Variants in KCNG2 observed in about 807,000 individuals in gnomAD.
The protein encoded by KCNG2 is voltage-gated potassium channel regulatory subunit KCNG2.
Under a neutral mutation model 12.3 loss-of-function variants are expected in KCNG2, and 7 were observed. The observed-to-expected ratio is 0.57, with a 90% CI of 0.32 to 1.07. The LOEUF is 1.07. KCNG2 is among the 50% of genes least tolerant of loss of function. KCNG2 has a pLI of 0.04. For missense variants in KCNG2, 703 were observed against 726.0 expected (o/e 0.97, Z 0.36); for synonymous variants, 414 against 351.4 (o/e 1.18, Z -1.99).
intron 3 of KCNG2, chr18:79,875,807 G>A (rs1170432783): frequency 6.6e-6 from 1 of 152,396 alleles, no homozygotes; most frequent in African/African-American, 2.4e-5. Flanking sequence ...ACCTTGAAGG[G>A]GGAGGCGGTT....
At chr18:79,868,405 C>T (rs945483613) in intron 3 of KCNG2, among the ~76,000 whole-genome samples, 28 of 151,996 alleles carry the variant, frequency 1.8e-4, no homozygotes, top group Admixed American at 1.4e-3. Context: ...TCCAAGCGTC[C>T]GGTTAAGAAG....
chr18:79,806,088 T>C (rs1042074879), intron 1 of KCNG2, among the ~76,000 whole-genome samples: 4 of 152,180 alleles, frequency 2.6e-5, no homozygotes, highest in African/African-American at 9.7e-5. Context: ...GTCTGTCCTC[T>C]CCCTGCCAGG....
intron 2 of KCNG2, among the ~76,000 whole-genome samples, chr18:79,860,085 G>A (rs567935196): frequency 2.6e-5 from 4 of 152,204 alleles, no homozygotes; most frequent in Admixed American, 1.3e-4. Context: ...GAGCAGGCAC[G>A]TTACATGGTG....
chr18:79,835,372 C>T (rs920367369), intron 1 of KCNG2, among the ~76,000 whole-genome samples: 1 of 152,110 alleles, frequency 6.6e-6, no homozygotes, highest in Non-Finnish European at 1.5e-5. Context: ...ATAGTAATGT[C>T]GAAATTATTG....
At position 79,800,328 on chromosome 18, in the gene KCNG2, G is replaced by C. The variant is rs2087398563; in HGVS notation, c.-115+2314G>C. 6.6e-6 allele frequency among the ~76,000 whole-genome samples: 1 copy of C among 152,132 alleles called. No homozygotes were observed. The highest frequency in any genetic ancestry group is 2.1e-4 in the South Asian group (1 of 4,816). ...TTTGTAATGAATGGGGATATCTTAG[G>C]GCTAACGCTTGGTCAGGGATGTTCT... On this transcript the variant is annotated intron_variant, in intron 1 of 3. Coordinates refer to ENST00000316249, the MANE Select transcript of KCNG2 (RefSeq NM_012283.2). The surrounding 1 kb of genome is among the most constrained non-coding windows in gnomAD (Gnocchi z 4.0).
intron 3 of KCNG2, among the ~76,000 whole-genome samples, chr18:79,868,453 G>C (rs563436884): frequency 6.6e-6 from 1 of 152,202 alleles, no homozygotes; most frequent in African/African-American, 2.4e-5. Context: ...ACCCGTGTCC[G>C]AGCGTTGCAG....
At chr18:79,810,908 A>C (rs1392824352) in intron 1 of KCNG2, among the ~76,000 whole-genome samples, 1 of 152,270 alleles carries the variant, frequency 6.6e-6, no homozygotes, top group Non-Finnish European at 1.5e-5. Flanking sequence ...AGAGTCAAAC[A>C]ATACTCAAAA....
At chr18:79,867,118 T>A (rs1352689823) in intron 3 of KCNG2, among the ~76,000 whole-genome samples, 4 of 148,100 alleles carry the variant, frequency 2.7e-5, no homozygotes, top group Non-Finnish European at 6.0e-5. Context: ...TGCTGAGAGG[T>A]CTGTGTGCTG....
chr18:79,859,915 G>T (rs1010036696), intron 2 of KCNG2, among the ~76,000 whole-genome samples: 1 of 151,968 alleles, frequency 6.6e-6, no homozygotes, highest in Non-Finnish European at 1.5e-5. Flanking sequence ...GTCCATGTTC[G>T]CATTCCTATA....
intron 1 of KCNG2, among the ~76,000 whole-genome samples, chr18:79,815,630 C>T (rs1010575978): frequency 5.3e-5 from 8 of 152,156 alleles, no homozygotes; most frequent in Admixed American, 4.6e-4. Flanking sequence ...CTGTCCCTGC[C>T]CACAGCACAA....
At chr18:79,812,583 G>A (rs759294562) in intron 1 of KCNG2, among the ~76,000 whole-genome samples, 4 of 152,150 alleles carry the variant, frequency 2.6e-5, no homozygotes, top group Admixed American at 6.5e-5. Flanking sequence ...ACTATAAGCC[G>A]GGCCTGGTGG....
At chr18:79,827,958 C>G (rs1451765584) in intron 1 of KCNG2, among the ~76,000 whole-genome samples, 3 of 145,366 alleles carry the variant, frequency 2.1e-5, no homozygotes, top group Non-Finnish European at 4.5e-5. Context: ...TAGTCTCCCT[C>G]TGTTGCCCAG....
At chr18:79,835,905 A>G (rs1382126677) in intron 1 of KCNG2, among the ~76,000 whole-genome samples, 2 of 152,266 alleles carry the variant, frequency 1.3e-5, no homozygotes, top group African/African-American at 4.8e-5. Context: ...CAAGAGATAA[A>G]TCAAAATAGA....
At chr18:79,847,187 C>T (rs1418064812) in intron 1 of KCNG2, among the ~76,000 whole-genome samples, 1 of 152,258 alleles carries the variant, frequency 6.6e-6, no homozygotes, top group Non-Finnish European at 1.5e-5. Flanking sequence ...CCTTGCTTTG[C>T]TCCTCCTCGG....
chr18:79,871,603 G>A (rs866056031), intron 3 of KCNG2, among the ~76,000 whole-genome samples: 6 of 152,290 alleles, frequency 3.9e-5, no homozygotes, highest in South Asian at 4.1e-4. Context: ...GCAGCAAGTC[G>A]AGTGGGCGGT....
At chr18:79,878,104 A>C (rs1021180471) in intron 3 of KCNG2, among the ~76,000 whole-genome samples, 1 of 152,260 alleles carries the variant, frequency 6.6e-6, no homozygotes, top group Non-Finnish European at 1.5e-5. Context: ...CCTGGGAGGA[A>C]AAGCTGAACC....
chr18:79,825,351 T>A (rs2087605601), intron 1 of KCNG2, among the ~76,000 whole-genome samples: 1 of 152,194 alleles, frequency 6.6e-6, no homozygotes, highest in Non-Finnish European at 1.5e-5. Flanking sequence ...AATGGGAAAA[T>A]ATCCCTAAGT....
chr18:79,798,770 G>A (rs940401847), intron 1 of KCNG2, among the ~76,000 whole-genome samples: 1 of 152,202 alleles, frequency 6.6e-6, no homozygotes, highest in African/African-American at 2.4e-5. Context: ...CACTGGGGAC[G>A]AGAAGGGTCC....
At chr18:79,823,395 T>C (rs760204248) in intron 1 of KCNG2, among the ~76,000 whole-genome samples, 2 of 152,168 alleles carry the variant, frequency 1.3e-5, no homozygotes, top group Non-Finnish European at 2.9e-5. Flanking sequence ...CAGCCGGATG[T>C]TGCCACATTC....
Sources: allele counts gnomAD v4.1 joint callset (sites outside exome capture counted in the v4.1 genomes callset), GRCh38; gene constraint gnomAD v4.1.1; non-coding constraint Gnocchi (gnomAD v3.1); transcripts MANE v1.5; gene names NCBI Gene and HGNC (gene_info 2026-07-23, HGNC 2026-07-21).